PHACTR3: variants seen among roughly 807,000 people sequenced by gnomAD.
PHACTR3 encodes the protein protein phosphatase 1, regulatory subunit 123.
Under a neutral mutation model 66.8 loss-of-function variants are expected in PHACTR3, and 16 were observed. That is an observed-to-expected ratio of 0.24 (90% confidence interval 0.16 to 0.36). The LOEUF (loss-of-function observed/expected upper bound fraction) is 0.36, where lower values mean the gene tolerates loss of function less well. Among genes scored for constraint, PHACTR3 ranks in the 10% least tolerant of loss-of-function variants. The pLI is 1.00. For missense variants in PHACTR3, 647 were observed against 719.9 expected (o/e 0.90, Z 1.16); for synonymous variants, 323 against 292.1 (o/e 1.11, Z -1.08).
chr20:59,765,480 C>T (rs2040150459), intron 4 of PHACTR3, among the ~76,000 whole-genome samples: 1 of 152,166 alleles, frequency 6.6e-6, no homozygotes, highest in Non-Finnish European at 1.5e-5. Flanking sequence ...CATACTCCAT[C>T]TCTGCTTTCA....
chr20:59,673,889 G>C (rs2036280512), intron 1 of PHACTR3, among the ~76,000 whole-genome samples: 1 of 152,204 alleles, frequency 6.6e-6, no homozygotes, highest in South Asian at 2.1e-4. Flanking sequence ...GACCTGCACA[G>C]TGGAAGAGGA....
At chr20:59,801,354 T>G (rs1568835430) in intron 7 of PHACTR3, among the ~76,000 whole-genome samples, 1 of 152,264 alleles carries the variant, frequency 6.6e-6, no homozygotes, top group Non-Finnish European at 1.5e-5. Context: ...CGTTGAAAAC[T>G]ACGGTTTTAT....
rs114923114 is a variant in PHACTR3, at chr20:59,748,935, C to T, written c.358+1100C>T. On this transcript the variant is annotated intron_variant, in intron 3 of 12. Coordinates refer to ENST00000371015, the MANE Select transcript of PHACTR3 (RefSeq NM_080672.5). ...AGCCGGGCCTGTCAGCACACAAACC[C>T]GATTGTGGGCCCAGGCTTTTGTCAT... is the stretch of plus-strand genomic sequence containing the variant. Among the ~76,000 whole-genome samples the T allele has an allele frequency of 5.7e-3, 867 of 152,286 alleles. 9 individuals carry two copies. The highest frequency in any genetic ancestry group is 0.02 in the African/African-American group (822 of 41,554).
chr20:59,669,447 C>A (rs1385222139), intron 1 of PHACTR3, among the ~76,000 whole-genome samples: 11 of 152,182 alleles, frequency 7.2e-5, no homozygotes, highest in Admixed American at 7.2e-4. Flanking sequence ...AGTTTTCTTT[C>A]AATTCTTTTG....
chr20:59,664,901 A>G (rs780562211), intron 1 of PHACTR3, among the ~76,000 whole-genome samples: 2 of 152,166 alleles, frequency 1.3e-5, no homozygotes, highest in African/African-American at 4.8e-5. Flanking sequence ...TGCGGTATCC[A>G]TTGCGGGCTG....
intron 1 of PHACTR3, among the ~76,000 whole-genome samples, chr20:59,702,375 CT>C (rs932989030): frequency 2.0e-5 from 3 of 152,240 alleles, no homozygotes; most frequent in East Asian, 1.9e-4. Flanking sequence ...CACCTTCATC[CT>C]TTTTTCTTCT....
chr20:59,718,570 A>T (rs1359412448), intron 1 of PHACTR3, among the ~76,000 whole-genome samples: 1 of 151,936 alleles, frequency 6.6e-6, no homozygotes, highest in African/African-American at 2.4e-5. Flanking sequence ...TATAGAAAAA[A>T]AAAAAACCTC....
chr20:59,835,082 A>G (rs2042486689), intron 8 of PHACTR3, among the ~76,000 whole-genome samples: 1 of 152,214 alleles, frequency 6.6e-6, no homozygotes, highest in Non-Finnish European at 1.5e-5. Flanking sequence ...GGCAGGGAAG[A>G]CTTCCCATAC....
At chr20:59,743,992 C>T (rs1000208383) in intron 2 of PHACTR3, among the ~76,000 whole-genome samples, 2 of 152,230 alleles carry the variant, frequency 1.3e-5, no homozygotes, top group African/African-American at 2.4e-5. Flanking sequence ...CCGTTGCCCC[C>T]GCCTCCTCGG....
chr20:59,768,713 C>T (rs1306635667), intron 5 of PHACTR3, among the ~76,000 whole-genome samples: 1 of 152,212 alleles, frequency 6.6e-6, no homozygotes, highest in African/African-American at 2.4e-5. Context: ...TTTCTGGGGA[C>T]CTTACTGCCC....
chr20:59,708,946 G>T (rs1189400684), intron 1 of PHACTR3, among the ~76,000 whole-genome samples: 1 of 152,162 alleles, frequency 6.6e-6, no homozygotes, highest in Non-Finnish European at 1.5e-5. Flanking sequence ...GAGCTGGTTT[G>T]GCTCCATGGG....
chr20:59,635,159 TTCTTTCTTTCC>T (rs2034831819), intron 1 of PHACTR3, among the ~76,000 whole-genome samples: 1 of 66,688 alleles, frequency 1.5e-5, no homozygotes, highest in Non-Finnish European at 2.9e-5. Flanking sequence ...TTTTCTTTCT[TTCTTTCTTTCC>T]TTTCTTTCTT....
chr20:59,753,183 G>A (rs911152234), intron 3 of PHACTR3, among the ~76,000 whole-genome samples: 1 of 152,112 alleles, frequency 6.6e-6, no homozygotes, highest in Non-Finnish European at 1.5e-5. Flanking sequence ...TGCAGCACGG[G>A]GGATACAGCA....
chr20:59,656,015 T>C (rs1383263281), intron 1 of PHACTR3, among the ~76,000 whole-genome samples: 1 of 151,954 alleles, frequency 6.6e-6, no homozygotes, highest in Non-Finnish European at 1.5e-5. Flanking sequence ...TTATACTTTT[T>C]ATGATTTCAA....
chr20:59,841,280 G>T, intron 10 of PHACTR3, 115 bp from the exon 11 acceptor site: 1 of 1,077,346 alleles, frequency 9.3e-7, no homozygotes, highest in East Asian at 2.5e-5. Context: ...ATATTTTCCA[G>T]TTTCAGGTTT....
intron 1 of PHACTR3, among the ~76,000 whole-genome samples, chr20:59,688,439 C>A (rs576819600): frequency 6.6e-6 from 1 of 152,310 alleles, no homozygotes; most frequent in East Asian, 1.9e-4. Context: ...TGGGAAACCA[C>A]AGGACTATAT....
chr20:59,660,173 C>T (rs1331819953), intron 1 of PHACTR3, among the ~76,000 whole-genome samples: 1 of 152,174 alleles, frequency 6.6e-6, no homozygotes, highest in African/African-American at 2.4e-5. Context: ...TCCAGGAAGA[C>T]CTGTACAAAA....
At chr20:59,692,720 A>G (rs1329711558) in intron 1 of PHACTR3, among the ~76,000 whole-genome samples, 3 of 152,176 alleles carry the variant, frequency 2.0e-5, no homozygotes, top group Non-Finnish European at 4.4e-5. Context: ...GCTCTATGGA[A>G]AGAGTTGGAA....
At chr20:59,583,305 TG>T (rs1433782752) in intron 1 of PHACTR3, among the ~76,000 whole-genome samples, 1 of 152,144 alleles carries the variant, frequency 6.6e-6, no homozygotes, top group Non-Finnish European at 1.5e-5. Flanking sequence ...AAAGGTGGTC[TG>T]GGGGTGGGGA....
Sources: gnomAD v4.1 joint callset for allele counts (sites outside exome capture counted in the v4.1 genomes callset) on GRCh38, gnomAD v4.1.1 for gene constraint, MANE v1.5 for transcripts, NCBI Gene and HGNC (gene_info 2026-07-23, HGNC 2026-07-21) for gene names.